The following NCKAP5 variants were observed in gnomAD, a reference collection of about 807,000 sequenced individuals.
NCKAP5 encodes nck-associated protein 5.
Under a neutral mutation model 167.0 loss-of-function variants are expected in NCKAP5, and 92 were observed. That is an observed-to-expected ratio of 0.55 (90% CI 0.47 to 0.66). NCKAP5 has a LOEUF of 0.66. NCKAP5 is among the 30% of genes least tolerant of loss of function. The probability of loss-of-function intolerance (pLI) is 0.00; values close to 1 mark genes in which losing one functional copy is unlikely to be tolerated. For missense variants in NCKAP5, 2,378 were observed against 2,315.0 expected (o/e 1.03, Z -0.56); for synonymous variants, 891 against 877.4 (o/e 1.02, Z -0.27).
chr2:133,396,651 G>A (rs1013693803), intron 3 of NCKAP5, among the ~76,000 whole-genome samples: 1 of 152,028 alleles, frequency 6.6e-6, no homozygotes, highest in African/African-American at 2.4e-5. Flanking sequence ...AAGGACATCA[G>A]TCATATTGGA....
At position 132,783,466 on chromosome 2, in the gene NCKAP5, G is replaced by C; in HGVS notation, c.3345C>G (p.Val1115=). 1.3e-6 allele frequency: 2 copies of C among 1,592,724 alleles called. No individual in the cohort carries two copies. The highest frequency in any genetic ancestry group is 2.3e-5 in the South Asian group (2 of 87,012). ...LGVNESPSSQ[V]SSSSSSSSPA... is the part of the protein sequence containing the mutation. Reference sequence around the variant, plus strand: ...GTGATGAGGATGATGAGGAACTGCTGACCTGAGATGATGGTGACTCATTTA... The same window carrying C: ...GTGATGAGGATGATGAGGAACTGCTCACCTGAGATGATGGTGACTCATTTA... The change falls in exon 14 of 20, where the codon GTC becomes GTG. Residue 1115 remains valine (V), a synonymous_variant. Coordinates refer to ENST00000409261, the MANE Select transcript of NCKAP5 (RefSeq NM_207363.3).
At chr2:132,965,961 G>A (rs1001788698) in intron 7 of NCKAP5, among the ~76,000 whole-genome samples, 3 of 147,784 alleles carry the variant, frequency 2.0e-5, no homozygotes, top group Non-Finnish European at 4.4e-5. Context: ...GAAGTATCCT[G>A]TAATAATCAG....
intron 3 of NCKAP5, among the ~76,000 whole-genome samples, chr2:133,397,302 T>G (rs1427653264): frequency 6.6e-6 from 1 of 152,242 alleles, no homozygotes; most frequent in Non-Finnish European, 1.5e-5. Flanking sequence ...CTTTTCATGT[T>G]TGAATTCATC....
chr2:133,291,657 G>A (rs575196707), intron 4 of NCKAP5, among the ~76,000 whole-genome samples: 72 of 152,286 alleles, frequency 4.7e-4, no homozygotes, highest in Admixed American at 1.8e-3. Flanking sequence ...GGCAAAGCCC[G>A]GACACCAAGT....
At chr2:132,758,570 C>T (rs1052124189) in intron 16 of NCKAP5, among the ~76,000 whole-genome samples, 1 of 152,144 alleles carries the variant, frequency 6.6e-6, no homozygotes, top group African/African-American at 2.4e-5. Flanking sequence ...TTGCCCACAA[C>T]CTCTGTTTTT....
intron 6 of NCKAP5, among the ~76,000 whole-genome samples, chr2:133,044,946 T>A (rs901145283): frequency 6.6e-6 from 1 of 151,918 alleles, no homozygotes; most frequent in Non-Finnish European, 1.5e-5. Context: ...TACCACCTAC[T>A]TGAGAGGCTG....
intron 3 of NCKAP5, among the ~76,000 whole-genome samples, chr2:133,401,674 A>G (rs1688108296): frequency 6.6e-6 from 1 of 152,170 alleles, no homozygotes; most frequent in Admixed American, 6.5e-5. Flanking sequence ...GGTATTATGG[A>G]GTAAAAGTAG....
chr2:133,244,086 T>C (rs977985913), intron 4 of NCKAP5, among the ~76,000 whole-genome samples: 4 of 152,206 alleles, frequency 2.6e-5, no homozygotes. Flanking sequence ...CAAAACAGAA[T>C]CATCTCCAGA....
intron 8 of NCKAP5, chr2:132,926,075 A>G: frequency 4.9e-6 from 1 of 204,666 alleles, no homozygotes; most frequent in South Asian, 6.7e-5. Flanking sequence ...GATTATTATC[A>G]CACACTTTAG....
At chr2:133,600,485 G>A in the NCKAP5 span, among the ~76,000 whole-genome samples, 7 of 152,298 alleles carry the variant, frequency 4.6e-5, no homozygotes, top group South Asian at 4.2e-4. Context: ...ATGAGCCGTC[G>A]GGGCGCCTTT....
At chr2:132,921,592 T>C (rs1341699869) in intron 8 of NCKAP5, among the ~76,000 whole-genome samples, 1 of 152,162 alleles carries the variant, frequency 6.6e-6, no homozygotes, top group East Asian at 1.9e-4. Context: ...TAGTCTTTGA[T>C]AGCTCAGAGA....
chr2:133,420,508 T>C (rs1220791346), intron 3 of NCKAP5, among the ~76,000 whole-genome samples: 2 of 152,226 alleles, frequency 1.3e-5, no homozygotes, highest in African/African-American at 4.8e-5. Context: ...TTTTCAGTGA[T>C]GAAAACAACC....
At chr2:133,043,798 T>G (rs2079295271) in intron 6 of NCKAP5, among the ~76,000 whole-genome samples, 1 of 152,176 alleles carries the variant, frequency 6.6e-6, no homozygotes, top group Admixed American at 6.6e-5. Context: ...TCATACTTTA[T>G]TCTCTTATTG....
intron 1 of NCKAP5, among the ~76,000 whole-genome samples, chr2:133,566,455 G>A (rs1303173888): frequency 6.6e-6 from 1 of 152,068 alleles, no homozygotes; most frequent in Non-Finnish European, 1.5e-5. Context: ...AGTTCTCTTT[G>A]GTTTGCTAGT....
intron 6 of NCKAP5, among the ~76,000 whole-genome samples, chr2:133,071,667 T>C (rs182299055): frequency 6.6e-6 from 1 of 152,344 alleles, no homozygotes; most frequent in African/African-American, 2.4e-5. Flanking sequence ...TCCGAGCGTC[T>C]ATATTCCTAA....
chr2:133,381,348 T>C (rs1686507243), intron 3 of NCKAP5, among the ~76,000 whole-genome samples: 1 of 152,208 alleles, frequency 6.6e-6, no homozygotes, highest in Admixed American at 6.5e-5. Flanking sequence ...GAAACATTTC[T>C]AACGTCCCTA....
At chr2:133,637,476 C>CAAAAAAAA in the NCKAP5 span, among the ~76,000 whole-genome samples, 32 of 31,668 alleles carry the variant, frequency 1.0e-3, no homozygotes, top group African/African-American at 4.5e-3. Flanking sequence ...TGGTATTTTC[C>CAAAAAAAA]AAAAAAAAAA....
intron 15 of NCKAP5, among the ~76,000 whole-genome samples, chr2:132,779,806 T>C (rs1682867312): frequency 6.6e-6 from 1 of 152,190 alleles, no homozygotes; most frequent in Admixed American, 6.5e-5. Context: ...TAACTAATAA[T>C]GTCAACCATG....
intron 6 of NCKAP5, among the ~76,000 whole-genome samples, chr2:133,031,082 G>T (rs1202825828): frequency 6.6e-6 from 1 of 151,910 alleles, no homozygotes; most frequent in Non-Finnish European, 1.5e-5. Context: ...CCCCTACAAG[G>T]ACACCAAGTT....
Sources: allele counts gnomAD v4.1 joint callset (sites outside exome capture counted in the v4.1 genomes callset), GRCh38; gene constraint gnomAD v4.1.1; transcripts MANE v1.5; gene names NCBI Gene and HGNC (gene_info 2026-07-23, HGNC 2026-07-21).